Variants in CENPF observed in about 807,000 individuals in gnomAD.
CENPF encodes the protein centromere protein F.
Under a neutral mutation model 307.3 loss-of-function variants are expected in CENPF, and 214 were observed. That is an observed-to-expected ratio of 0.70 (90% CI 0.62 to 0.78). The LOEUF is 0.78. Ranked by LOEUF, CENPF falls within the 30% of genes least tolerant of loss-of-function variation. The pLI is 0.00. For missense variants in CENPF, 3,401 were observed against 3,483.9 expected (o/e 0.98, Z 0.60); for synonymous variants, 1,259 against 1,270.6 (o/e 0.99, Z 0.19).
chr1:214,634,582 A>G (rs186851808), intron 10 of CENPF, among the ~76,000 whole-genome samples: 1 of 152,336 alleles, frequency 6.6e-6, no homozygotes, highest in East Asian at 1.9e-4. Flanking sequence ...TATTGTATGT[A>G]AAGTGCTTAG....
chr1:214,626,951 T>C (rs941027343), intron 7 of CENPF, among the ~76,000 whole-genome samples: 1 of 152,244 alleles, frequency 6.6e-6, no homozygotes, highest in African/African-American at 2.4e-5. Flanking sequence ...GTTCACCAAA[T>C]CCTTGTTCTG....
intron 2 of CENPF, 142 bp downstream of exon 2, chr1:214,614,058 T>G (rs1262815396): frequency 5.3e-6 from 4 of 747,690 alleles, no homozygotes; most frequent in Non-Finnish European, 7.7e-6. Context: ...TGTCTTCAGG[T>G]GGTAATTCCT....
Position 214,620,905 on chromosome 1 carries a change from G to A in CENPF, c.824G>A (p.Ser275Asn). The change falls in exon 6 of 20, where the codon AGC (serine) becomes AAC (asparagine). Residue 275 changes from serine (S) to asparagine (N), a missense_variant. Transcript: ENST00000366955. ...DANSSFFDNSSSPHLLDQLKA... is the reference protein window; with the variant it reads ...DANSSFFDNSNSPHLLDQLKA... ...AATAGCAGTTTCTTTGACAATTCTA[G>A]CAGTCCTCATCTTTTGGATCAATTA... The A allele has an allele frequency of 1.2e-6, 2 of 1,613,620 alleles. No homozygotes were observed. The highest frequency in any genetic ancestry group is 1.7e-6 in the Non-Finnish European group (2 of 1,179,814).
In CENPF at chr1:214,618,622, G is replaced by T. The variant is rs1657422208; in HGVS notation, c.409G>T (p.Val137Phe). 1.2e-6 allele frequency: 2 copies of T among 1,613,968 alleles called. No homozygotes were observed. The highest frequency in any genetic ancestry group is 8.5e-7 in the Non-Finnish European group (1 of 1,180,010). The change falls in exon 4 of 20, where the codon GTC becomes TTC. Residue 137 changes from valine to phenylalanine, a missense_variant. By Grantham distance (50) the Val-to-Phe change is conservative. Transcript: ENST00000366955. ...RSQQAAQSAD[V>F]SLNPCNTPQK... ...CCAACAAGCTGCGCAGTCTGCAGAT[G>T]TCTCTCTGAATCCATGCAATACACC... is the stretch of plus-strand genomic sequence containing the variant.
Position 214,659,086 on chromosome 1 carries a change from T to C in CENPF, c.9141+58T>C, listed in dbSNP as rs560051140. 1.3e-3 allele frequency: 2,047 copies of C among 1,583,038 alleles called. 1 individual carries two copies. Among genetic ancestry groups the C allele is most frequent in the Admixed American group, 2.2e-3 (131 of 59,446 alleles). ...AGATCCAGAAAATTGCAGTAGTACC[T>C]GGGTGAGGATTGGACACTGCACCCC... On this transcript the variant is annotated intron_variant, in intron 19 of 19. Transcript: ENST00000366955. This position sits in a 1 kb window ranked among gnomAD's most constrained non-coding sequence, Gnocchi z 4.4.
chr1:214,643,031 A>G lies in CENPF; in HGVS notation c.4693A>G (p.Lys1565Glu). The G allele has an allele frequency of 6.2e-7, 1 of 1,610,090 alleles. No homozygotes were observed. The highest frequency in any genetic ancestry group is 1.1e-5 in the South Asian group (1 of 90,812). The change falls in exon 12 of 20, where the codon AAG (lysine) becomes GAG (glutamate). Residue 1565 changes from lysine to glutamate, a missense_variant. Coordinates refer to ENST00000366955, the MANE Select transcript of CENPF (RefSeq NM_016343.4). ...LCEVYRQSLE[K>E]LEEKMESQGI... ...TGAGGTGTACCGGCAGTCCCTCGAG[A>G]AGCTAGAAGAGAAAATGGAAAGTCA...
At position 214,657,056 on chromosome 1, in the gene CENPF, G is replaced by A; in HGVS notation, c.8609G>A (p.Ser2870Asn). The change falls in exon 18 of 20, where the codon AGC (serine) becomes AAC (asparagine). Residue 2870 changes from serine (S) to asparagine (N), a missense_variant. Ser to Asn is a conservative substitution (Grantham distance 46). Transcript: ENST00000366955. ...GATAAGTACTGTTCCTTGCTTATAA[G>A]CCATGAAAAGTTAGAGAAAGCTAAA... ...YLDKYCSLLISHEKLEKAKEM... is the reference protein window; with the variant it reads ...YLDKYCSLLINHEKLEKAKEM... 2.5e-6 allele frequency: 4 copies of A among 1,614,140 alleles called. No homozygotes were observed. Among genetic ancestry groups the A allele is most frequent in the Non-Finnish European group, 3.4e-6 (4 of 1,180,012 alleles).
In CENPF at chr1:214,637,935, G is replaced by T. The variant is rs777799557; in HGVS notation, c.1516G>T (p.Glu506Ter). 1.2e-6 allele frequency: 2 copies of T among 1,613,596 alleles called. No homozygotes were observed. The highest frequency in any genetic ancestry group is 8.5e-7 in the Non-Finnish European group (1 of 1,179,904). Residue 506 changes from glutamate to a stop codon, truncating the protein, a stop_gained, in exon 11 of 20, where the codon GAG (glutamate) becomes TAG (stop). Transcript: ENST00000366955. LOFTEE classifies it high-confidence loss of function. ...AAAGGCCAGAGAAGTCTGCCACCTG[G>T]AGGCAGAACTCAAGAACATCAAACA... Reference protein sequence around the residue: ...EQKAREVCHLEAELKNIKQCL... With the variant: ...EQKAREVCHL
intron 7 of CENPF, among the ~76,000 whole-genome samples, chr1:214,627,689 A>G (rs1246057668): frequency 1.3e-5 from 2 of 152,078 alleles, no homozygotes; most frequent in African/African-American, 2.4e-5. Context: ...CCAGGTTCTT[A>G]ATACTTGTTT....
At chr1:214,651,055 G>A (rs533534741) in intron 14 of CENPF, among the ~76,000 whole-genome samples, 2 of 152,336 alleles carry the variant, frequency 1.3e-5, no homozygotes, top group South Asian at 2.1e-4. Flanking sequence ...GGTTGCTGAT[G>A]CCATGAAAAG....
At chr1:214,633,288 A>G (rs1209685363) in intron 10 of CENPF, among the ~76,000 whole-genome samples, 1 of 152,218 alleles carries the variant, frequency 6.6e-6, no homozygotes, top group Non-Finnish European at 1.5e-5. Flanking sequence ...TTATGCATAC[A>G]TACTTCAATT....
At position 214,645,510 on chromosome 1, in the gene CENPF, GTCTGAAAAAA is replaced by G; in HGVS notation, c.5942_5951del (p.Ser1981Ter). On this transcript the variant is annotated frameshift_variant, in exon 13 of 20. Transcript: ENST00000366955. LOFTEE classifies it high-confidence loss of function. ...AAAAAACCACGGCACTGGATCAGTT[GTCTGAAAAAA>G]TGAAGGAGAAAACACAAGAGCTTGA... The G allele has an allele frequency of 1.2e-6, 2 of 1,614,088 alleles. No individual in the cohort carries two copies. Among genetic ancestry groups the G allele is most frequent in the African/African-American group, 2.7e-5 (2 of 75,042 alleles).
Position 214,648,569 on chromosome 1 carries a change from A to G in CENPF, c.7831-106A>G. 6 of 1,291,642 alleles carry G rather than the reference A, an allele frequency of 4.6e-6. No homozygotes were observed. In the South Asian group the frequency reaches 7.3e-5, roughly 16 times the overall value. 80.0% of individuals were successfully genotyped at this position (1,291,642 alleles called of 1,614,324 possible). ...GGCGGGATTAGCCAGCTTCCATTTT[A>G]TGATTGAAGGCTAAAATAAATGGCA... On this transcript the variant is annotated intron_variant, in intron 13 of 19. Coordinates refer to ENST00000366955, the MANE Select transcript of CENPF (RefSeq NM_016343.4).
intron 15 of CENPF, 51 bp downstream of exon 15, chr1:214,651,937 A>T: frequency 2.1e-6 from 3 of 1,448,132 alleles, no homozygotes; most frequent in African/African-American, 1.5e-5. Context: ...TATTTTGATC[A>T]TGGTAAGGCT....
Position 214,622,236 on chromosome 1 carries a change from T to A in CENPF, c.1023T>A (p.Asp341Glu). 6.2e-7 allele frequency: 1 copy of A among 1,614,094 alleles called. No individual in the cohort carries two copies. Among genetic ancestry groups the A allele is most frequent in the Non-Finnish European group, 8.5e-7 (1 of 1,179,982 alleles). ...EKEKVLNKCR[D>E]ELVRTTAQYD... ...AGAAAGTTTTGAACAAATGTAGGGA[T>A]GAACTAGTGAGAACAACAGCACAAT... The change falls in exon 7 of 20, where the codon GAT becomes GAA. Residue 341 changes from aspartate (D) to glutamate (E), a missense_variant. Physicochemically the swap from Asp to Glu is conservative, Grantham distance 45 (BLOSUM62 2). Coordinates refer to ENST00000366955, the MANE Select transcript of CENPF (RefSeq NM_016343.4).
intron 3 of CENPF, among the ~76,000 whole-genome samples, chr1:214,617,026 C>G (rs1474703773): frequency 7.1e-6 from 1 of 140,070 alleles, no homozygotes; most frequent in Non-Finnish European, 1.5e-5. Context: ...TTCTCTTTCT[C>G]TTTCTTTCTT....
Position 214,661,598 on chromosome 1 carries a change from A to G in CENPF, c.9142-1993A>G, listed in dbSNP as rs568903246. 2.6e-5 allele frequency among the ~76,000 whole-genome samples: 4 copies of G among 152,268 alleles called. No individual in the cohort carries two copies. The South Asian group carries it at 6.2e-4, about 24-fold the overall frequency. The stretch of plus-strand genomic sequence containing the variant: ...CATTAGGTAAGGATCATTCTCTATT[A>G]TGTCACTGGGATGGATTAGCTCAGG... On this transcript the variant is annotated intron_variant, in intron 19 of 19. Coordinates refer to ENST00000366955, the MANE Select transcript of CENPF (RefSeq NM_016343.4).
intron 3 of CENPF, among the ~76,000 whole-genome samples, chr1:214,616,863 TTC>T (rs771045443): frequency 3.7e-5 from 2 of 54,754 alleles, no homozygotes; most frequent in Non-Finnish European, 7.7e-5. Flanking sequence ...CTTTCTTTCT[TTC>T]TTTCTTTCTT....
At chr1:214,621,000 G>C in intron 6 of CENPF, 54 bp downstream of exon 6, 1 of 1,500,422 alleles carries the variant, frequency 6.7e-7, no homozygotes, top group East Asian at 2.3e-5. Context: ...TAATTTCACA[G>C]GTGATTTCAG....
Sources: allele counts gnomAD v4.1 joint callset (sites outside exome capture counted in the v4.1 genomes callset), GRCh38; gene constraint gnomAD v4.1.1; non-coding constraint Gnocchi (gnomAD v3.1); transcripts MANE v1.5; gene names NCBI Gene and HGNC (gene_info 2026-07-23, HGNC 2026-07-21).